The following PLCB1 variants were observed in gnomAD, a reference collection of about 807,000 sequenced individuals.
PLCB1 encodes 1-phosphatidylinositol 4,5-bisphosphate phosphodiesterase beta-1.
PLCB1 carries 46 observed loss-of-function variants against 161.8 expected under a neutral mutation model. The observed-to-expected ratio is 0.28, with a 90% CI of 0.22 to 0.36. PLCB1 has a LOEUF of 0.36. Ranked by LOEUF, PLCB1 falls within the 10% of genes least tolerant of loss-of-function variation. The pLI is 1.00. For synonymous variants in PLCB1, 517 were observed against 503.7 expected (o/e 1.03, Z -0.35); for missense variants, 1,016 against 1,472.5 (o/e 0.69, Z 5.07).
intron 2 of PLCB1, among the ~76,000 whole-genome samples, chr20:8,183,708 A>T (rs1005716954): frequency 6.6e-6 from 1 of 152,196 alleles, no homozygotes; most frequent in Non-Finnish European, 1.5e-5. Context: ...TCAAGTATGA[A>T]TGTCCGTCTC....
At chr20:8,540,151 A>AAAC (rs144840130) in intron 3 of PLCB1, among the ~76,000 whole-genome samples, 2,817 of 152,316 alleles carry the variant, frequency 0.018, 71 homozygotes, top group African/African-American at 0.06. Context: ...ACTAAAGAAA[A>AAAC]AAGAAAGTTT....
intron 2 of PLCB1, among the ~76,000 whole-genome samples, chr20:8,362,798 GA>G (rs887137200): frequency 6.6e-6 from 1 of 151,998 alleles, no homozygotes; most frequent in Non-Finnish European, 1.5e-5. Context: ...TCATATACGT[GA>G]AAAAAGACTT....
chr20:8,357,845 T>C (rs1986411064), intron 2 of PLCB1, among the ~76,000 whole-genome samples: 1 of 152,120 alleles, frequency 6.6e-6, no homozygotes, highest in African/African-American at 2.4e-5. Flanking sequence ...CCAAGGACTG[T>C]TTTCTTTTGT....
At chr20:8,135,589 G>T (rs2051336995) in intron 1 of PLCB1, among the ~76,000 whole-genome samples, 1 of 152,186 alleles carries the variant, frequency 6.6e-6, no homozygotes, top group South Asian at 2.1e-4. Flanking sequence ...TTGCTGCTTG[G>T]TCATGGGGAG....
chr20:8,663,203 ACAT>A, intron 9 of PLCB1, among the ~76,000 whole-genome samples: 1 of 151,974 alleles, frequency 6.6e-6, no homozygotes, highest in South Asian at 2.1e-4. Flanking sequence ...TATACACACA[ACAT>A]AGATATACAC....
intron 3 of PLCB1, among the ~76,000 whole-genome samples, chr20:8,506,354 T>C (rs1358827643): frequency 6.6e-6 from 1 of 152,210 alleles, no homozygotes; most frequent in Non-Finnish European, 1.5e-5. Flanking sequence ...TAGAAGGTTT[T>C]ATAAGCACCT....
chr20:8,734,134 T>TAA (rs1980452762), intron 19 of PLCB1, among the ~76,000 whole-genome samples: 1 of 3,612 alleles, frequency 2.8e-4, no homozygotes, highest in African/African-American at 7.2e-4. Flanking sequence ...AGACTCTGTC[T>TAA]CAAAAAAAAA....
intron 16 of PLCB1, among the ~76,000 whole-genome samples, chr20:8,726,757 G>T (rs1979960472): frequency 6.6e-6 from 1 of 152,036 alleles, no homozygotes; most frequent in African/African-American, 2.4e-5. Flanking sequence ...TATCTAATAT[G>T]AAAATGAAGC....
intron 3 of PLCB1, among the ~76,000 whole-genome samples, chr20:8,466,803 A>G (rs1981844791): frequency 6.6e-6 from 1 of 152,158 alleles, no homozygotes; most frequent in Admixed American, 6.5e-5. Context: ...ACATTTGGCC[A>G]TCACAACTTG....
chr20:8,408,108 G>T (rs1426752656), intron 3 of PLCB1, among the ~76,000 whole-genome samples: 3 of 152,126 alleles, frequency 2.0e-5, no homozygotes, highest in Admixed American at 6.5e-5. Context: ...TATCAATATT[G>T]GTTGATTGAC....
chr20:8,419,414 G>A (rs980636057), intron 3 of PLCB1, among the ~76,000 whole-genome samples: 1 of 152,000 alleles, frequency 6.6e-6, no homozygotes, highest in Non-Finnish European at 1.5e-5. Flanking sequence ...ACAATGGTTT[G>A]TGTTATGATT....
intron 3 of PLCB1, among the ~76,000 whole-genome samples, chr20:8,585,883 A>G (rs565156925): frequency 3.3e-5 from 5 of 152,274 alleles, no homozygotes; most frequent in East Asian, 3.9e-4. Flanking sequence ...TTCTCTATGT[A>G]TATTTGACAC....
intron 9 of PLCB1, among the ~76,000 whole-genome samples, chr20:8,661,759 A>G (rs927926131): frequency 2.0e-5 from 3 of 150,842 alleles, no homozygotes; most frequent in African/African-American, 4.9e-5. Context: ...AAATAGTACT[A>G]GAGGAAGCAC....
intron 23 of PLCB1, among the ~76,000 whole-genome samples, 194 bp downstream of exon 23, chr20:8,741,767 G>C (rs770856618): frequency 8.5e-5 from 13 of 152,106 alleles, no homozygotes; most frequent in Non-Finnish European, 1.3e-4. Flanking sequence ...TTTTCTTTTG[G>C]CATTCTGTGG....
chr20:8,459,464 T>C (rs1282936115), intron 3 of PLCB1, among the ~76,000 whole-genome samples: 1 of 152,196 alleles, frequency 6.6e-6, no homozygotes. Context: ...TACCAGGTAA[T>C]AGTCACCTGA....
At chr20:8,355,900 A>G (rs779741959) in intron 2 of PLCB1, among the ~76,000 whole-genome samples, 1 of 152,234 alleles carries the variant, frequency 6.6e-6, no homozygotes. Flanking sequence ...TTAAAGTAAT[A>G]TTAAAGAAAT....
intron 2 of PLCB1, among the ~76,000 whole-genome samples, chr20:8,326,102 C>T (rs1250347133): frequency 1.3e-5 from 2 of 152,220 alleles, no homozygotes; most frequent in East Asian, 3.9e-4. Flanking sequence ...AAATATTTTG[C>T]TCTCTGTTAA....
chr20:8,255,174 G>A (rs1460237576), intron 2 of PLCB1, among the ~76,000 whole-genome samples: 2 of 152,042 alleles, frequency 1.3e-5, no homozygotes, highest in Non-Finnish European at 2.9e-5. Flanking sequence ...CCACGGGTAG[G>A]TTATGACATC....
intron 2 of PLCB1, among the ~76,000 whole-genome samples, chr20:8,152,315 A>G (rs1445707807): frequency 6.6e-6 from 1 of 152,132 alleles, no homozygotes; most frequent in African/African-American, 2.4e-5. Flanking sequence ...TAAACTTACC[A>G]TGCTTTCAAG....
Sources: gnomAD v4.1 joint callset for allele counts (sites outside exome capture counted in the v4.1 genomes callset) on GRCh38, gnomAD v4.1.1 for gene constraint, MANE v1.5 for transcripts, NCBI Gene and HGNC (gene_info 2026-07-23, HGNC 2026-07-21) for gene names.